Variants in SEC61A2 observed in about 807,000 individuals in gnomAD.
SEC61A2 encodes protein transport protein Sec61 subunit alpha isoform 2.
In SEC61A2, 28 loss-of-function variants were observed where a neutral mutation model predicts 59.9. The ratio of observed to expected loss-of-function variants is 0.47; its 90% confidence interval spans 0.35 to 0.64. SEC61A2 has a LOEUF of 0.64. SEC61A2 is among the 30% of genes least tolerant of loss of function. The pLI, the probability that SEC61A2 is intolerant of heterozygous loss-of-function variation, is 0.01. For missense variants in SEC61A2, 340 were observed against 585.9 expected (o/e 0.58, Z 4.33); for synonymous variants, 202 against 214.4 (o/e 0.94, Z 0.50).
chr10:12,134,093 G>A (rs962061546), intron 2 of SEC61A2, among the ~76,000 whole-genome samples: 17 of 152,274 alleles, frequency 1.1e-4, no homozygotes, highest in African/African-American at 3.6e-4. Flanking sequence ...TGCAAGCTCC[G>A]CCTCCCGGGT....
At chr10:12,168,837 A>G (rs1834778431), downstream of SEC61A2, among the ~76,000 whole-genome samples, 1 of 152,056 alleles carries the variant, frequency 6.6e-6, no homozygotes, top group African/African-American at 2.4e-5. This position sits in a 1 kb window ranked among gnomAD's most constrained non-coding sequence, Gnocchi z 4.8. Flanking sequence ...ATCTTGGCTC[A>G]CTGCAACCTG....
intron 11 of SEC61A2, among the ~76,000 whole-genome samples, chr10:12,163,719 A>G (rs1356890870): frequency 1.3e-5 from 2 of 152,136 alleles, no homozygotes; most frequent in African/African-American, 4.8e-5. Context: ...TTATTTATTT[A>G]GAACACAGAC....
chr10:12,144,821 C>T (rs546768635), intron 4 of SEC61A2, among the ~76,000 whole-genome samples: 18 of 152,144 alleles, frequency 1.2e-4, no homozygotes, highest in African/African-American at 4.1e-4. Flanking sequence ...GAGGCTGAAG[C>T]GGGAAGATCA....
Position 12,161,122 on chromosome 10 carries a change from G to A in SEC61A2, c.1167+1G>A, listed in dbSNP as rs1564416874. 1 of 1,598,990 alleles carries A rather than the reference G, an allele frequency of 6.3e-7. No individual in the cohort carries two copies. Among genetic ancestry groups the A allele is most frequent in the Middle Eastern group, 1.7e-4 (1 of 5,994 alleles). On this transcript the variant is annotated splice_donor_variant, in intron 10 of 11. Coordinates refer to ENST00000298428, the MANE Select transcript of SEC61A2 (RefSeq NM_018144.4). LOFTEE classifies it high-confidence loss of function. The surrounding 1 kb of genome is among the most constrained non-coding windows in gnomAD (Gnocchi z 5.4). ...AGTGTCTGGTTCCTCAGCCAAAGAT[G>A]TAAGTGTTTGGTTTATTTTAAAATA...
downstream of SEC61A2, chr10:12,166,551 C>T (rs1195818671): frequency 2.5e-5 from 8 of 324,382 alleles, no homozygotes; most frequent in African/African-American, 6.5e-5. Flanking sequence ...TGTGGACAAA[C>T]GGAGGCTACT....
At chr10:12,136,616 A>G (rs1211169543) in intron 3 of SEC61A2, among the ~76,000 whole-genome samples, 1 of 151,478 alleles carries the variant, frequency 6.6e-6, no homozygotes, top group Non-Finnish European at 1.5e-5. Context: ...ATGCCCAGCT[A>G]ATTTTTGTAT....
intron 3 of SEC61A2, among the ~76,000 whole-genome samples, chr10:12,137,984 C>T (rs2131648430): frequency 6.6e-6 from 1 of 152,228 alleles, no homozygotes; most frequent in South Asian, 2.1e-4. Flanking sequence ...CAAACCTGGG[C>T]AACAGAGCGA....
In SEC61A2 at chr10:12,164,188, C is replaced by T. The variant is rs1471803951; in HGVS notation, c.1245-80C>T. On this transcript the variant is annotated intron_variant, in intron 11 of 11. Transcript: ENST00000298428. This position sits in a 1 kb window ranked among gnomAD's most constrained non-coding sequence, Gnocchi z 7.3. ...GCTTTAGACCCAGCTATGGCTGCTG[C>T]GCCTCGACCTGTCTTCGTCTCTAGC... is the stretch of plus-strand genomic sequence containing the variant. 1.3e-5 allele frequency: 20 copies of T among 1,513,564 alleles called. No individual in the cohort carries two copies. In the South Asian group the frequency reaches 1.7e-4, roughly 13 times the overall value. The allele number at this position is 1,513,564 out of a possible 1,614,324, so 93.8% of individuals were successfully genotyped here.
Position 12,160,804 on chromosome 10 carries a change from T to C in SEC61A2, c.976-126T>C. The C allele has an allele frequency of 1.4e-6, 1 of 729,846 alleles. No individual in the cohort carries two copies. Among genetic ancestry groups the C allele is most frequent in the Non-Finnish European group, 2.3e-6 (1 of 443,884 alleles). 45.2% of individuals were successfully genotyped at this position (729,846 alleles called of 1,614,324 possible). ...CACAAAAGTACATTCTGAAACTACA[T>C]AGAATGACTAGCTGTAGATGCCTTG... On this transcript the variant is annotated intron_variant, in intron 9 of 11. Transcript: ENST00000298428. The surrounding 1 kb of genome is among the most constrained non-coding windows in gnomAD (Gnocchi z 4.1).
rs981906800 is a variant in SEC61A2, at chr10:12,158,090, A to T, written c.960A>T (p.Leu320Phe). The T allele has an allele frequency of 6.2e-7, 1 of 1,612,478 alleles. No individual in the cohort carries two copies. Among genetic ancestry groups the T allele is most frequent in the African/African-American group, 1.3e-5 (1 of 74,880 alleles). ...TTAGTGGCAACTTTTTAGTAAATTT[A>T]CTAGGACAGTGGGCCGTGAGTATTA... ...VRFSGNFLVN[L>F]LGQWADVSGG... Residue 320 changes from leucine (L) to phenylalanine (F), a missense_variant, in exon 9 of 12, where the codon TTA becomes TTT. Physicochemically the swap from Leu to Phe is conservative, Grantham distance 22 (BLOSUM62 0). This residue lies in a region of SEC61A2 where 283 missense variants were observed against 483.2 expected (regional missense o/e 0.59). Coordinates refer to ENST00000298428, the MANE Select transcript of SEC61A2 (RefSeq NM_018144.4). The surrounding 1 kb of genome is among the most constrained non-coding windows in gnomAD (Gnocchi z 5.7).
At chr10:12,133,407 A>G (rs577048085) in intron 2 of SEC61A2, 99 bp downstream of exon 2, 3 of 594,730 alleles carry the variant, frequency 5.0e-6, no homozygotes, top group Non-Finnish European at 9.1e-6. Context: ...TCTGTTGGTA[A>G]TTGGAAAACT....
In SEC61A2 at chr10:12,160,757, T is replaced by C. The variant is rs550918715; in HGVS notation, c.976-173T>C. On this transcript the variant is annotated intron_variant, in intron 9 of 11. Transcript: ENST00000298428. The surrounding 1 kb of genome is among the most constrained non-coding windows in gnomAD (Gnocchi z 4.1). ...TGTAATAGGTGTTCATCGTATAACTTTGAAGGAGTGAAGGTAGTAGACACA... is the reference window on the plus strand; with the variant it reads ...TGTAATAGGTGTTCATCGTATAACTCTGAAGGAGTGAAGGTAGTAGACACA... 4.6e-5 allele frequency among the ~76,000 whole-genome samples: 7 copies of C among 152,366 alleles called. No individual in the cohort carries two copies. In the South Asian group the frequency reaches 1.4e-3, roughly 32 times the overall value.
Position 12,156,923 on chromosome 10 carries a change from TGCAGTCATA to T in SEC61A2, c.636_644del (p.Val213_Ala215del). 6.2e-7 allele frequency: 1 copy of T among 1,613,862 alleles called. No homozygotes were observed. Among genetic ancestry groups the T allele is most frequent in the South Asian group, 1.1e-5 (1 of 91,060 alleles). On this transcript the variant is annotated inframe_deletion, in exon 8 of 12. Transcript: ENST00000298428. The surrounding 1 kb of genome is among the most constrained non-coding windows in gnomAD (Gnocchi z 5.2). ...ATTTTACAGGTACTGAGTTTGAGGG[TGCAGTCATA>T]GCTCTGTTCCATTTGTTGGCCACCA...
At position 12,160,836 on chromosome 10, in the gene SEC61A2, A is replaced by C; in HGVS notation, c.976-94A>C. On this transcript the variant is annotated intron_variant, in intron 9 of 11. Coordinates refer to ENST00000298428, the MANE Select transcript of SEC61A2 (RefSeq NM_018144.4). This position sits in a 1 kb window ranked among gnomAD's most constrained non-coding sequence, Gnocchi z 4.1. Reference sequence around the variant, plus strand: ...ACTAGCTGTAGATGCCTTGAACTTAAAACACTGTCATTTCTGAGAAGTTTG... The same window carrying C: ...ACTAGCTGTAGATGCCTTGAACTTACAACACTGTCATTTCTGAGAAGTTTG... 7.2e-6 allele frequency: 8 copies of C among 1,115,802 alleles called. No homozygotes were observed. Among genetic ancestry groups the C allele is most frequent in the Non-Finnish European group, 1.0e-5 (8 of 773,376 alleles). The allele number at this position is 1,115,802 out of a possible 1,614,324, so 69.1% of individuals were successfully genotyped here.
chr10:12,133,421 G>T, intron 2 of SEC61A2, 113 bp downstream of exon 2: 1 of 534,358 alleles, frequency 1.9e-6, no homozygotes, highest in South Asian at 3.2e-5. Context: ...GAAAACTATT[G>T]GTGTTCATCC....
rs1198643775 is a variant in SEC61A2 at position 12,143,797 on chromosome 10, C to T, written c.220+602C>T. 6.6e-6 allele frequency among the ~76,000 whole-genome samples: 1 copy of T among 152,152 alleles called. No individual in the cohort carries two copies. Among genetic ancestry groups the T allele is most frequent in the Non-Finnish European group, 1.5e-5 (1 of 68,020 alleles). On this transcript the variant is annotated intron_variant, in intron 4 of 11. Transcript: ENST00000298428. The surrounding 1 kb of genome is among the most constrained non-coding windows in gnomAD (Gnocchi z 4.8). ...GCTCAGCTGGAGCTGAGCCTGAAGCCTCAAGCAGCATTGTTCATCTGGGAA... is the reference window on the plus strand; with the variant it reads ...GCTCAGCTGGAGCTGAGCCTGAAGCTTCAAGCAGCATTGTTCATCTGGGAA...
In SEC61A2 at chr10:12,156,999, C is replaced by T. The variant is rs1369774665; in HGVS notation, c.709C>T (p.Gln237Ter). ...AGCTTTACGGGAGGCTTTTTATCGG[C>T]AGAACTTACCCAATCTCATGAACCT... ...VRALREAFYR[Q>*]NLPNLMNLIA... Residue 237 changes from glutamine (Q) to a stop codon, truncating the protein, a stop_gained, in exon 8 of 12, where the codon CAG (glutamine) becomes TAG (stop). Coordinates refer to ENST00000298428, the MANE Select transcript of SEC61A2 (RefSeq NM_018144.4). LOFTEE classifies it high-confidence loss of function. This position sits in a 1 kb window ranked among gnomAD's most constrained non-coding sequence, Gnocchi z 5.2. The T allele has an allele frequency of 6.2e-7, 1 of 1,614,062 alleles. No homozygotes were observed.
rs1257666336 is a variant in SEC61A2 at position 12,162,667 on chromosome 10, C to T, written c.1244+378C>T. 6.6e-6 allele frequency among the ~76,000 whole-genome samples: 1 copy of T among 152,172 alleles called. No homozygotes were observed. The highest frequency in any genetic ancestry group is 3.2e-3 in the Middle Eastern group (1 of 316). ...GTAACAGCTTTATTGAGATAAAATT[C>T]AGATACCATGTAATTCACTCACTTG... On this transcript the variant is annotated intron_variant, in intron 11 of 11. Coordinates refer to ENST00000298428, the MANE Select transcript of SEC61A2 (RefSeq NM_018144.4). This position sits in a 1 kb window ranked among gnomAD's most constrained non-coding sequence, Gnocchi z 6.1.
Position 12,152,085 on chromosome 10 carries a change from C to A in SEC61A2, c.462+2124C>A, listed in dbSNP as rs547267678. On this transcript the variant is annotated intron_variant, in intron 6 of 11. Coordinates refer to ENST00000298428, the MANE Select transcript of SEC61A2 (RefSeq NM_018144.4). This position sits in a 1 kb window ranked among gnomAD's most constrained non-coding sequence, Gnocchi z 5.5. Reference sequence around the variant, plus strand: ...GAACTGTTTTGTCATTTGACCAGGGCAGGAATTTTTTTTTTCGAGACGGAG... The same window carrying A: ...GAACTGTTTTGTCATTTGACCAGGGAAGGAATTTTTTTTTTCGAGACGGAG... Among the ~76,000 whole-genome samples the A allele has an allele frequency of 6.6e-6, 1 of 152,114 alleles. No homozygotes were observed. The highest frequency in any genetic ancestry group is 2.1e-4 in the South Asian group (1 of 4,820).
Sources: gnomAD v4.1 joint callset for allele counts (sites outside exome capture counted in the v4.1 genomes callset) on GRCh38, gnomAD v4.1.1 for gene constraint, gnomAD v4.1.1 regional missense constraint, Gnocchi (gnomAD v3.1) non-coding constraint, MANE v1.5 for transcripts, NCBI Gene and HGNC (gene_info 2026-07-23, HGNC 2026-07-21) for gene names.